The following RBM25 variants were observed in gnomAD, a reference collection of about 807,000 sequenced individuals.
RBM25 encodes RNA binding motif protein 25.
RBM25 carries 19 observed loss-of-function variants against 120.7 expected under a neutral mutation model. The observed-to-expected ratio is 0.16, with a 90% confidence interval of 0.11 to 0.23. The LOEUF (loss-of-function observed/expected upper bound fraction) is 0.23, where lower values mean the gene tolerates loss of function less well. RBM25 is among the 10% of genes least tolerant of loss of function. The probability of loss-of-function intolerance (pLI) is 1.00; values close to 1 mark genes in which losing one functional copy is unlikely to be tolerated. For missense variants in RBM25, 605 were observed against 1,041.5 expected (o/e 0.58, Z 5.77); for synonymous variants, 390 against 326.7 (o/e 1.19, Z -2.09).
Position 73,105,972 on chromosome 14 carries a change from G to A in RBM25, c.1268G>A (p.Arg423Gln). The change falls in exon 11 of 19, where the codon CGA (arginine) becomes CAA (glutamine). Residue 423 changes from arginine (R) to glutamine (Q), a missense_variant. Physicochemically the swap from Arg to Gln is conservative, Grantham distance 43. Coordinates refer to ENST00000261973, the MANE Select transcript of RBM25 (RefSeq NM_021239.3). ...AGAGAGCGAGAGAGGGAACGGGAGC[G>A]AGAAAGAGAAAAAGACAAAAAACGG... ...RERERERERE[R>Q]EREKDKKRDR... 3.7e-6 allele frequency: 6 copies of A among 1,613,750 alleles called. No individual in the cohort carries two copies. Among genetic ancestry groups the A allele is most frequent in the Non-Finnish European group, 5.1e-6 (6 of 1,179,942 alleles).
rs1445337884 is a variant in RBM25 at position 73,096,931 on chromosome 14, C to G, written c.560C>G (p.Thr187Ser). The G allele has an allele frequency of 3.1e-6, 5 of 1,612,152 alleles. No individual in the cohort carries two copies. Among genetic ancestry groups the G allele is most frequent in the Non-Finnish European group, 3.4e-6 (4 of 1,179,610 alleles). The part of the protein sequence containing the change: ...KASNGNARPE[T>S]VTNDDEEALD... The stretch of plus-strand genomic sequence containing the variant: ...TTGTTTAAGAATGCAAGGCCAGAAA[C>G]TGTCACTAATGACGATGAAGAAGCC... The change falls in exon 7 of 19, where the codon ACT becomes AGT. Residue 187 changes from threonine (T) to serine (S), a missense_variant. Transcript: ENST00000261973.
At chr14:73,079,126 T>C (rs182399810) in intron 4 of RBM25, among the ~76,000 whole-genome samples, 1 of 148,384 alleles carries the variant, frequency 6.7e-6, no homozygotes, top group East Asian at 1.9e-4. Context: ...GCTGAATGAT[T>C]GTATAATAAA....
chr14:73,119,592 G>A lies in RBM25; in HGVS notation c.2440-121G>A. The A allele has an allele frequency of 1.3e-6, 2 of 1,521,414 alleles. 1 individual carries two copies. Among genetic ancestry groups the A allele is most frequent in the Non-Finnish European group, 1.8e-6 (2 of 1,137,096 alleles). 94.2% of individuals were successfully genotyped at this position (1,521,414 alleles called of 1,614,324 possible). A position where few individuals can be genotyped will look rare whatever the true frequency, so the allele number is the denominator to read the frequency against. On this transcript the variant is annotated intron_variant, in intron 18 of 18. Coordinates refer to ENST00000261973, the MANE Select transcript of RBM25 (RefSeq NM_021239.3). ...TAAAACAACCTTAAAATCTTAACTA[G>A]CATTTAAGTAATAAGTGCTTATTGT... is the stretch of plus-strand genomic sequence containing the variant.
chr14:73,067,280 C>T lies in RBM25; in HGVS notation c.-15-4347C>T, dbSNP rs547898876. ...AACCTGTATTAGAGAATTACCTGTA[C>T]AGATGCATACAGTTATATGTCTATT... is the stretch of plus-strand genomic sequence containing the variant. On this transcript the variant is annotated intron_variant, in intron 1 of 18. Transcript: ENST00000261973. Among the ~76,000 whole-genome samples the T allele has an allele frequency of 2.6e-5, 4 of 152,050 alleles. No individual in the cohort carries two copies. In the South Asian group the frequency reaches 8.3e-4, roughly 32 times the overall value.
intron 14 of RBM25, among the ~76,000 whole-genome samples, 174 bp downstream of exon 14, chr14:73,109,666 G>A (rs977748692): frequency 3.3e-5 from 5 of 152,054 alleles, no homozygotes; most frequent in African/African-American, 7.2e-5. Context: ...AGTGGTGGGC[G>A]CCTGTAGTCC....
chr14:73,106,840 CTT>C (rs34359815), intron 12 of RBM25, among the ~76,000 whole-genome samples: 37 of 142,966 alleles, frequency 2.6e-4, no homozygotes, highest in South Asian at 1.5e-3. Flanking sequence ...TATGTATATA[CTT>C]TTTTTTTTTT....
intron 10 of RBM25, among the ~76,000 whole-genome samples, chr14:73,105,217 C>A (rs376708594): frequency 6.8e-6 from 1 of 147,758 alleles, no homozygotes; most frequent in South Asian, 2.1e-4. Context: ...ATGGGATCTT[C>A]CCACATCAGC....
chr14:73,063,578 T>A (rs780527471), intron 1 of RBM25, among the ~76,000 whole-genome samples: 5 of 151,446 alleles, frequency 3.3e-5, no homozygotes, highest in Admixed American at 6.6e-5. Flanking sequence ...CTCTTTTAAA[T>A]CCCACATATT....
At chr14:73,061,716 G>A (rs961329846) in intron 1 of RBM25, among the ~76,000 whole-genome samples, 8 of 151,066 alleles carry the variant, frequency 5.3e-5, no homozygotes, top group South Asian at 2.1e-4. Flanking sequence ...ACAGGTGCAC[G>A]CCACCATGCC....
In RBM25 at chr14:73,109,426, G is replaced by A. The variant is rs1896257311; in HGVS notation, c.1626G>A (p.Glu542=). 2 of 1,614,086 alleles carry A rather than the reference G, an allele frequency of 1.2e-6. No homozygotes were observed. The highest frequency in any genetic ancestry group is 1.3e-5 in the African/African-American group (1 of 74,952). ...DERDRKREKE[E]LEEIRQRLLA... The stretch of plus-strand genomic sequence containing the variant: ...GAGATAGGAAGAGAGAGAAGGAGGA[G>A]CTTGAGGAAATCAGGCAGCGCCTTC... Residue 542 remains glutamate, a synonymous_variant, in exon 14 of 19, where the codon GAG becomes GAA. Transcript: ENST00000261973.
intron 1 of RBM25, among the ~76,000 whole-genome samples, chr14:73,063,940 T>TA (rs1016747798): frequency 1.8e-4 from 28 of 151,672 alleles, no homozygotes; most frequent in African/African-American, 6.3e-4. Context: ...GCTCCAGTCA[T>TA]ACTGTTGGCC....
Position 73,099,671 on chromosome 14 carries a change from A to G in RBM25, c.788A>G (p.Asp263Gly). Residue 263 changes from aspartate (D) to glycine (G), a missense_variant, in exon 9 of 19, where the codon GAT (aspartate) becomes GGT (glycine). By Grantham distance (94) the Asp-to-Gly change is moderately conservative. This residue lies in a region of RBM25 where 465 missense variants were observed against 741.6 expected (regional missense o/e 0.63). Coordinates refer to ENST00000261973, the MANE Select transcript of RBM25 (RefSeq NM_021239.3). ...CCTGTGCCCGTTTTCTTTTAGGAGG[A>G]TATAAATGCTATAGAAATGGAAGAA... ...LIPYPLITKE[D>G]INAIEMEEDK... 6.3e-7 allele frequency: 1 copy of G among 1,595,648 alleles called. No individual in the cohort carries two copies. Among genetic ancestry groups the G allele is most frequent in the Non-Finnish European group, 8.5e-7 (1 of 1,175,670 alleles).
chr14:73,099,982 T>A, intron 9 of RBM25: 1 of 537,026 alleles, frequency 1.9e-6, no homozygotes, highest in African/African-American at 2.0e-5. Flanking sequence ...CATCTCACTT[T>A]AATATGAATA....
chr14:73,092,362 C>T (rs758072330), intron 6 of RBM25, among the ~76,000 whole-genome samples: 3 of 151,688 alleles, frequency 2.0e-5, no homozygotes, highest in East Asian at 1.9e-4. Context: ...TATTCTTGGT[C>T]GTTGATTAGT....
chr14:73,070,656 T>C (rs1480630292), intron 1 of RBM25, among the ~76,000 whole-genome samples: 3 of 151,944 alleles, frequency 2.0e-5, no homozygotes, highest in Admixed American at 6.6e-5. Flanking sequence ...CTGATAGATA[T>C]AAGAAAAATG....
chr14:73,103,938 TCTCTCTCTCTCA>T (rs1566597384), intron 10 of RBM25, among the ~76,000 whole-genome samples: 27 of 53,870 alleles, frequency 5.0e-4, no homozygotes, highest in Admixed American at 8.4e-4. Flanking sequence ...TCTCTCTCTC[TCTCTCTCTCTCA>T]CACACACACA....
intron 2 of RBM25, among the ~76,000 whole-genome samples, chr14:73,072,311 A>G (rs1013214200): frequency 1.3e-5 from 2 of 151,828 alleles, no homozygotes; most frequent in African/African-American, 4.9e-5. Context: ...ATACATACAC[A>G]TTGTTCAAAA....
chr14:73,109,450 T>C lies in RBM25; in HGVS notation c.1650T>C (p.Leu550=), dbSNP rs546877084. 6.2e-6 allele frequency: 10 copies of C among 1,614,116 alleles called. No homozygotes were observed. The Admixed American group carries it at 6.7e-5, about 11-fold the overall frequency. Residue 550 remains leucine, a synonymous_variant, in exon 14 of 19, where the codon CTT becomes CTC. Coordinates refer to ENST00000261973, the MANE Select transcript of RBM25 (RefSeq NM_021239.3). The stretch of plus-strand genomic sequence containing the variant: ...AGCTTGAGGAAATCAGGCAGCGCCT[T>C]CTGGCAGAAGGGCATCCAGATCCAG... The part of the protein sequence containing the change: ...KEELEEIRQR[L]LAEGHPDPDA...
Position 73,071,103 on chromosome 14 carries a change from G to A in RBM25, c.-15-524G>A, listed in dbSNP as rs1028109479. Among the ~76,000 whole-genome samples, 2 of 151,920 alleles carry A rather than the reference G, an allele frequency of 1.3e-5. 1 individual carries two copies. Among genetic ancestry groups the A allele is most frequent in the South Asian group, 4.2e-4 (2 of 4,810 alleles). On this transcript the variant is annotated intron_variant, in intron 1 of 18. Transcript: ENST00000261973. Reference sequence around the variant, plus strand: ...CTGAAAATACAAAAATTAGCTGGGCGTGGTGGTACGCTCCTGTAGTCCCAG... The same window carrying A: ...CTGAAAATACAAAAATTAGCTGGGCATGGTGGTACGCTCCTGTAGTCCCAG...
Sources: allele counts gnomAD v4.1 joint callset (sites outside exome capture counted in the v4.1 genomes callset), GRCh38; gene constraint gnomAD v4.1.1; regional missense constraint gnomAD v4.1.1; transcripts MANE v1.5; gene names NCBI Gene and HGNC (gene_info 2026-07-23, HGNC 2026-07-21).